The following CHD1L variants were observed in gnomAD, a reference collection of about 807,000 sequenced individuals.
CHD1L encodes ATP-dependent chromatin remodeler CHD1L.
A neutral mutation model predicts 115.9 loss-of-function variants in CHD1L; 118 were observed. The observed-to-expected ratio is 1.02, with a 90% CI of 0.88 to 1.19. The LOEUF (loss-of-function observed/expected upper bound fraction) is 1.19. CHD1L is among the 50% of genes most tolerant of loss of function. The pLI is 0.00. For missense variants in CHD1L, 1,179 were observed against 1,065.3 expected (o/e 1.11, Z -1.49); for synonymous variants, 411 against 387.1 (o/e 1.06, Z -0.72).
the CHD1L span, among the ~76,000 whole-genome samples, chr1:147,184,970 A>G: frequency 4.0e-5 from 6 of 150,762 alleles, no homozygotes; most frequent in South Asian, 1.2e-3. The surrounding 1 kb of genome is among the most constrained non-coding windows in gnomAD (Gnocchi z 4.4). Flanking sequence ...TTCTGGCACT[A>G]CAAGAATATA....
chr1:147,212,140 C>G, the CHD1L span, among the ~76,000 whole-genome samples: 7 of 152,184 alleles, frequency 4.6e-5, no homozygotes, highest in Non-Finnish European at 8.8e-5. Flanking sequence ...ATAATGAGCC[C>G]AGACTTTAGC....
chr1:147,187,028 C>G, the CHD1L span: 1 of 1,614,192 alleles, frequency 6.2e-7, no homozygotes, highest in Non-Finnish European at 8.5e-7. Flanking sequence ...ATGCGATCAT[C>G]TGTGGTGAGG....
the CHD1L span, among the ~76,000 whole-genome samples, chr1:147,184,023 A>G: frequency 2.0e-5 from 3 of 152,188 alleles, no homozygotes; most frequent in Admixed American, 6.5e-5. This position sits in a 1 kb window ranked among gnomAD's most constrained non-coding sequence, Gnocchi z 4.4. Flanking sequence ...CTATAATTAT[A>G]GTCTATACTT....
chr1:147,212,409 C>G, the CHD1L span: 1 of 1,614,044 alleles, frequency 6.2e-7, no homozygotes, highest in Non-Finnish European at 8.5e-7. Context: ...GGCTGTTTGG[C>G]TAATCTCTAC....
chr1:147,262,508 T>C (rs587638214), intron 6 of CHD1L, among the ~76,000 whole-genome samples: 9 of 152,328 alleles, frequency 5.9e-5, no homozygotes, highest in African/African-American at 2.2e-4. Context: ...CTGTAGCGAC[T>C]AGCAGCCTTG....
intron 8 of CHD1L, 55 bp from the exon 9 acceptor site, chr1:147,267,371 T>G: frequency 1.5e-6 from 2 of 1,369,758 alleles, no homozygotes; most frequent in Admixed American, 3.7e-5. Flanking sequence ...TTTTGGTTTC[T>G]GTTTTGTTCA....
chr1:147,228,829 T>G, the CHD1L span, among the ~76,000 whole-genome samples: 4 of 152,292 alleles, frequency 2.6e-5, no homozygotes, highest in East Asian at 3.9e-4. Context: ...GTCTCTTCAT[T>G]TCCTTTGCCC....
chr1:147,219,308 T>A, the CHD1L span, among the ~76,000 whole-genome samples: 3 of 152,192 alleles, frequency 2.0e-5, no homozygotes, highest in Non-Finnish European at 2.9e-5. Flanking sequence ...ATGTCTCTTT[T>A]GAGTATACTT....
intron 15 of CHD1L, 101 bp from the exon 16 acceptor site, chr1:147,284,250 T>C (rs901442577): frequency 6.6e-6 from 6 of 916,020 alleles, no homozygotes; most frequent in Non-Finnish European, 9.8e-6. Flanking sequence ...CCATTTAGAA[T>C]ATAGGCTGTT....
At chr1:147,192,302 GCT>G in the CHD1L span, among the ~76,000 whole-genome samples, 1 of 151,836 alleles carries the variant, frequency 6.6e-6, no homozygotes. Context: ...TCATGATTTG[GCT>G]CTCTGTTTGT....
chr1:147,281,573 C>A (rs587748356), intron 15 of CHD1L, among the ~76,000 whole-genome samples: 1 of 152,026 alleles, frequency 6.6e-6, no homozygotes, highest in Non-Finnish European at 1.5e-5. Flanking sequence ...GTTTTATCTT[C>A]GAAATTCTTT....
At chr1:147,280,309 G>GTCATTTGGGCACACTGTT in intron 15 of CHD1L, 118 bp downstream of exon 15, 1 of 1,028,614 alleles carries the variant, frequency 9.7e-7, no homozygotes. Flanking sequence ...TTACCCTATT[G>GTCATTTGGGCACACTGTT]TCATTTGGGC....
At chr1:147,201,104 T>G in the CHD1L span, 1 of 1,361,976 alleles carries the variant, frequency 7.3e-7, no homozygotes, top group South Asian at 1.3e-5. Context: ...TAAACAGAGG[T>G]AAACATATCA....
chr1:147,245,095 T>A (rs969242052), intron 1 of CHD1L, among the ~76,000 whole-genome samples: 2 of 152,228 alleles, frequency 1.3e-5, no homozygotes, highest in Non-Finnish European at 2.9e-5. Context: ...TGCAGACCTA[T>A]TACTTCTTGC....
intron 14 of CHD1L, among the ~76,000 whole-genome samples, chr1:147,278,689 T>C (rs1302863530): frequency 6.6e-6 from 1 of 152,086 alleles, no homozygotes; most frequent in Non-Finnish European, 1.5e-5. Flanking sequence ...GCAGGTGTAG[T>C]GAACACTTAT....
At chr1:147,188,633 G>A in the CHD1L span, among the ~76,000 whole-genome samples, 4 of 150,206 alleles carry the variant, frequency 2.7e-5, no homozygotes, top group Non-Finnish European at 5.9e-5. Context: ...ATAAAACAAT[G>A]TATACACATA....
At chr1:147,194,858 A>G in the CHD1L span, among the ~76,000 whole-genome samples, 1 of 152,040 alleles carries the variant, frequency 6.6e-6, no homozygotes, top group Non-Finnish European at 1.5e-5. Context: ...TGGCTTGTAG[A>G]GTTACTGCCG....
chr1:147,184,476 A>T, the CHD1L span: 37 of 1,503,348 alleles, frequency 2.5e-5, no homozygotes, highest in Non-Finnish European at 3.1e-5. The surrounding 1 kb of genome is among the most constrained non-coding windows in gnomAD (Gnocchi z 4.4). Flanking sequence ...CCAGGATACT[A>T]CATTACATTT....
the CHD1L span, chr1:147,172,921 C>T: frequency 6.6e-6 from 1 of 152,344 alleles, no homozygotes; most frequent in Non-Finnish European, 1.5e-5. Context: ...GTTAGGCGAC[C>T]GGAGAGGTGG....
Sources: gnomAD v4.1 joint callset for allele counts (sites outside exome capture counted in the v4.1 genomes callset) on GRCh38, gnomAD v4.1.1 for gene constraint, Gnocchi (gnomAD v3.1) non-coding constraint, MANE v1.5 for transcripts, NCBI Gene and HGNC (gene_info 2026-07-23, HGNC 2026-07-21) for gene names.